The following ATRX variants were observed in gnomAD, a reference collection of about 807,000 sequenced individuals.
ATRX encodes the protein chromatin remodeler ATRX.
ATRX carries 12 observed loss-of-function variants against 172.6 expected under a neutral mutation model. The ratio of observed to expected loss-of-function variants is 0.07; its 90% CI spans 0.04 to 0.11. The LOEUF (loss-of-function observed/expected upper bound fraction) is 0.11, where lower values mean the gene tolerates loss of function less well. Ranked by LOEUF, ATRX falls within the 10% of genes least tolerant of loss-of-function variation. The pLI, the probability that ATRX is intolerant of heterozygous loss-of-function variation, is 1.00. For missense variants in ATRX, 1,368 were observed against 1,767.4 expected, an observed-to-expected ratio of 0.77 and a Z score of 4.05; for synonymous variants, 674 against 594.7, an observed-to-expected ratio of 1.13 and a Z score of -1.94.
chrX:77,671,514 T>C (rs2070617110), intron 10 of ATRX, among the ~76,000 whole-genome samples: 1 of 109,891 alleles, frequency 9.1e-6, no homozygotes, highest in Non-Finnish European at 1.9e-5. Flanking sequence ...TATTCCCTAA[T>C]TTTATACAAA....
intron 1 of ATRX, among the ~76,000 whole-genome samples, chrX:77,723,205 T>C (rs1361710308): frequency 1.8e-5 from 2 of 110,791 alleles, no homozygotes; most frequent in Non-Finnish European, 3.8e-5. Flanking sequence ...GGGGGAGGGA[T>C]AGCATTAGGA....
chrX:77,559,961 C>T (rs2064958135), intron 28 of ATRX, among the ~76,000 whole-genome samples: 1 of 111,555 alleles, frequency 9.0e-6, no homozygotes, highest in Admixed American at 9.6e-5. Flanking sequence ...TTAATTTAGG[C>T]AAATATTATG....
At chrX:77,721,054 A>G (rs2073735440) in intron 1 of ATRX, among the ~76,000 whole-genome samples, 1 of 112,193 alleles carries the variant, frequency 8.9e-6, no homozygotes, top group African/African-American at 3.2e-5. Context: ...TCCATCACAT[A>G]AACAGAACCA....
chrX:77,636,963 GAAGAAAA>G (rs1358150800), intron 15 of ATRX, among the ~76,000 whole-genome samples: 1 of 99,283 alleles, frequency 1.0e-5, no homozygotes, highest in Non-Finnish European at 2.0e-5. Context: ...GAAGGAGGAG[GAAGAAAA>G]AAGAAGAAGG....
chrX:77,699,743 C>G lies in ATRX; in HGVS notation c.134-1114G>C, dbSNP rs1212964718. Among the ~76,000 whole-genome samples, 4 of 111,631 alleles carry G rather than the reference C, an allele frequency of 3.6e-5. No individual in the cohort carries two copies. The Admixed American group carries it at 3.8e-4, about 11-fold the overall frequency. ...CTACTAAAACTGACTCAAGAAGAAA[C>G]AGGTGTGAACAGACCTGTAACAATT... On this transcript the variant is annotated intron_variant, in intron 2 of 34. Coordinates refer to ENST00000373344, the MANE Select transcript of ATRX (RefSeq NM_000489.6).
chrX:77,660,100 T>A (rs1238846090), intron 12 of ATRX, among the ~76,000 whole-genome samples: 1 of 111,755 alleles, frequency 8.9e-6, no homozygotes, highest in Admixed American at 9.5e-5. Flanking sequence ...AAATCTCAAA[T>A]GTAATCATAT....
intron 1 of ATRX, among the ~76,000 whole-genome samples, chrX:77,725,098 T>C (rs1424013688): frequency 8.9e-6 from 1 of 111,961 alleles, no homozygotes; most frequent in Non-Finnish European, 1.9e-5. Flanking sequence ...ATGTTATACC[T>C]CACCATAGAG....
At position 77,544,524 on chromosome X, in the gene ATRX, G is replaced by A. The variant is rs367565933; in HGVS notation, c.6699+12927C>T. On this transcript the variant is annotated intron_variant, in intron 30 of 34. Transcript: ENST00000373344. Reference sequence around the variant, plus strand: ...GCTGGTGCGCTGCACCCACTAACTCGTCATCTAGCATTAGGTATATCTCCC... The same window carrying A: ...GCTGGTGCGCTGCACCCACTAACTCATCATCTAGCATTAGGTATATCTCCC... Among the ~76,000 whole-genome samples, 56 of 108,449 alleles carry A rather than the reference G, an allele frequency of 5.2e-4. 2 individuals are homozygous for A. The South Asian group carries it at 0.02, about 38-fold the overall frequency. The allele number at this position is 108,449 out of a possible 115,157, so 94.2% of individuals were successfully genotyped here.
At chrX:77,550,352 G>C (rs180847214) in intron 30 of ATRX, among the ~76,000 whole-genome samples, 164 of 111,766 alleles carry the variant, frequency 1.5e-3, no homozygotes, top group South Asian at 4.1e-3. Flanking sequence ...ATAAACAGAA[G>C]CAAAGACAAA....
intron 9 of ATRX, among the ~76,000 whole-genome samples, chrX:77,678,408 A>G (rs2071020088): frequency 1.8e-5 from 2 of 112,252 alleles, no homozygotes; most frequent in African/African-American, 3.2e-5. Flanking sequence ...AATGCCAACT[A>G]TTCTTCTAAA....
chrX:77,714,357 A>G lies in ATRX; in HGVS notation c.133+2774T>C, dbSNP rs190798651. 3.1e-3 allele frequency among the ~76,000 whole-genome samples: 352 copies of G among 111,911 alleles called. 1 individual carries two copies. Among genetic ancestry groups the G allele is most frequent in the Admixed American group, 3.5e-3 (37 of 10,467 alleles). On this transcript the variant is annotated intron_variant, in intron 2 of 34. Transcript: ENST00000373344. ...GCAAGGCCCACCGGACTCCGAACCTACAGAACTGTAAAATAACAAATTTGG... is the reference window on the plus strand; with the variant it reads ...GCAAGGCCCACCGGACTCCGAACCTGCAGAACTGTAAAATAACAAATTTGG...
At chrX:77,740,957 C>T (rs904801012) in intron 1 of ATRX, among the ~76,000 whole-genome samples, 1 of 110,100 alleles carries the variant, frequency 9.1e-6, no homozygotes, top group African/African-American at 3.3e-5. Flanking sequence ...ATCTCTACTA[C>T]AAATAAAAAT....
intron 10 of ATRX, among the ~76,000 whole-genome samples, chrX:77,669,047 G>C (rs782026901): frequency 5.4e-5 from 6 of 111,317 alleles, no homozygotes; most frequent in Admixed American, 9.5e-5. Flanking sequence ...GGGAGCTTTC[G>C]AGCCATTAAC....
chrX:77,755,623 C>G (rs2075461920), intron 1 of ATRX, among the ~76,000 whole-genome samples: 1 of 111,899 alleles, frequency 8.9e-6, no homozygotes, highest in South Asian at 3.7e-4. Flanking sequence ...TGCTAAAGGT[C>G]CACTCCTGAC....
intron 2 of ATRX, among the ~76,000 whole-genome samples, chrX:77,713,770 A>G (rs1373034258): frequency 8.9e-6 from 1 of 111,754 alleles, no homozygotes; most frequent in Non-Finnish European, 1.9e-5. Flanking sequence ...ATAGGAATAA[A>G]TTATTCAGCT....
At chrX:77,735,993 G>A (rs1487129596) in intron 1 of ATRX, among the ~76,000 whole-genome samples, 2 of 103,635 alleles carry the variant, frequency 1.9e-5, no homozygotes, top group Non-Finnish European at 3.9e-5. Flanking sequence ...AACAAGAGCC[G>A]AAACTCCACC....
At chrX:77,574,935 A>G (rs2065557279) in intron 27 of ATRX, among the ~76,000 whole-genome samples, 1 of 109,911 alleles carries the variant, frequency 9.1e-6, no homozygotes. Flanking sequence ...TGAGTTAATG[A>G]TATGACATGT....
chrX:77,733,444 TA>T (rs1427180346), intron 1 of ATRX, among the ~76,000 whole-genome samples: 2 of 111,018 alleles, frequency 1.8e-5, no homozygotes, highest in Non-Finnish European at 3.8e-5. Context: ...GATTCTGGCA[TA>T]AAAGCAGACA....
intron 30 of ATRX, among the ~76,000 whole-genome samples, chrX:77,554,747 C>G (rs974421308): frequency 3.6e-5 from 4 of 111,792 alleles, no homozygotes; most frequent in Non-Finnish European, 3.8e-5. Flanking sequence ...CATCCTTCCC[C>G]TATTATAAGC....
Sources: gnomAD v4.1 joint callset for allele counts (sites outside exome capture counted in the v4.1 genomes callset) on GRCh38, gnomAD v4.1.1 for gene constraint, MANE v1.5 for transcripts, NCBI Gene and HGNC (gene_info 2026-07-23, HGNC 2026-07-21) for gene names.